Variants in DIAPH2 observed in about 807,000 individuals in gnomAD.
The protein encoded by DIAPH2 is diaphanous related formin 2.
Under a neutral mutation model 92.7 loss-of-function variants are expected in DIAPH2, and 35 were observed. That is an observed-to-expected ratio of 0.38 (90% confidence interval 0.29 to 0.50). DIAPH2 has a LOEUF of 0.50. DIAPH2 is among the 20% of genes least tolerant of loss of function. The probability of loss-of-function intolerance (pLI) is 0.94; values close to 1 mark genes in which losing one functional copy is unlikely to be tolerated. For missense variants in DIAPH2, 701 were observed against 819.5 expected, an observed-to-expected ratio of 0.86 and a Z score of 1.77; for synonymous variants, 301 against 280.4, an observed-to-expected ratio of 1.07 and a Z score of -0.73.
chrX:96,750,051 GTTT>G (rs753887199), intron 3 of DIAPH2, among the ~76,000 whole-genome samples: 1 of 71,042 alleles, frequency 1.4e-5, no homozygotes, highest in Middle Eastern at 0.012. Context: ...TATATTTCAA[GTTT>G]TTTTTTTTTT....
In DIAPH2 at chrX:97,601,858, G is replaced by A. The variant is rs1403131761; in HGVS notation, c.*2541G>A. ...GCAGCAAAGCCATGCTCCCTCCAGAGGCTCTAGAGGAGAATCTTTCCTTGC... is the reference window on the plus strand; with the variant it reads ...GCAGCAAAGCCATGCTCCCTCCAGAAGCTCTAGAGGAGAATCTTTCCTTGC... On this transcript the variant is annotated 3_prime_UTR_variant, in exon 27 of 27. Coordinates refer to ENST00000324765, the MANE Select transcript of DIAPH2 (RefSeq NM_006729.5). The A allele has an allele frequency of 8.9e-6, 1 of 112,276 alleles. No individual in the cohort carries two copies. Among genetic ancestry groups the A allele is most frequent in the Non-Finnish European group, 1.9e-5 (1 of 53,277 alleles). 9.3% of individuals were successfully genotyped at this position (112,276 alleles called of 1,213,427 possible).
intron 4 of DIAPH2, among the ~76,000 whole-genome samples, chrX:96,817,898 T>C (rs2064747999): frequency 9.1e-6 from 1 of 109,310 alleles, no homozygotes; most frequent in South Asian, 4.0e-4. Context: ...GAAAACTATA[T>C]ACTGTATTCC....
intron 19 of DIAPH2, among the ~76,000 whole-genome samples, chrX:97,097,854 AAAT>A (rs2066879789): frequency 8.9e-6 from 1 of 112,420 alleles, no homozygotes; most frequent in Non-Finnish European, 1.9e-5. Context: ...GAAAAAATGG[AAAT>A]AATACCTTGG....
At chrX:96,751,549 CTGGG>C (rs1250365363) in intron 3 of DIAPH2, among the ~76,000 whole-genome samples, 10 of 99,746 alleles carry the variant, frequency 1.0e-4, no homozygotes, top group Non-Finnish European at 1.8e-4. Context: ...GCACTCCAGC[CTGGG>C]TGGAAGAGCG....
At position 97,055,496 on chromosome X, in the gene DIAPH2, T is replaced by C. The variant is rs140388072; in HGVS notation, c.2051-17445T>C. On this transcript the variant is annotated intron_variant, in intron 17 of 26. Coordinates refer to ENST00000324765, the MANE Select transcript of DIAPH2 (RefSeq NM_006729.5). ...CACTTCTCAGGTAACTGAGAATGAG[T>C]TCATGTTGGAGCATATTTATTTGGA... is the stretch of plus-strand genomic sequence containing the variant. 7.6e-3 allele frequency among the ~76,000 whole-genome samples: 844 copies of C among 111,060 alleles called. 5 individuals are homozygous for C. The highest frequency in any genetic ancestry group is 0.012 in the Non-Finnish European group (658 of 52,926).
At chrX:97,171,079 G>A (rs1015872237) in intron 22 of DIAPH2, among the ~76,000 whole-genome samples, 2 of 110,629 alleles carry the variant, frequency 1.8e-5, no homozygotes, top group Admixed American at 9.6e-5. Flanking sequence ...TCACCATATT[G>A]GCCAAGCTGG....
At chrX:97,074,173 G>A (rs954924217) in intron 18 of DIAPH2, among the ~76,000 whole-genome samples, 3 of 111,899 alleles carry the variant, frequency 2.7e-5, no homozygotes, top group African/African-American at 6.5e-5. Flanking sequence ...TTGGGAGGCC[G>A]AGGCAGGTGG....
intron 26 of DIAPH2, among the ~76,000 whole-genome samples, chrX:97,526,671 C>G (rs753273333): frequency 2.8e-4 from 31 of 111,434 alleles, no homozygotes; most frequent in Admixed American, 2.4e-3. Context: ...AACTTTGACT[C>G]AAGCTTCTCA....
At chrX:97,494,730 A>G (rs913449013) in intron 26 of DIAPH2, among the ~76,000 whole-genome samples, 1 of 111,933 alleles carries the variant, frequency 8.9e-6, no homozygotes, top group Non-Finnish European at 1.9e-5. Context: ...GAGGATTCCT[A>G]ATTAGATGGA....
intron 23 of DIAPH2, among the ~76,000 whole-genome samples, chrX:97,284,951 C>T (rs1167964049): frequency 9.0e-6 from 1 of 111,647 alleles, no homozygotes; most frequent in Non-Finnish European, 1.9e-5. Flanking sequence ...TGATGAAAAG[C>T]CATTCTATTT....
At chrX:97,592,631 G>C (rs2071525326) in intron 26 of DIAPH2, among the ~76,000 whole-genome samples, 1 of 112,106 alleles carries the variant, frequency 8.9e-6, no homozygotes, top group Non-Finnish European at 1.9e-5. Context: ...CAATGTGAAA[G>C]TAATTTGTGC....
In DIAPH2 at chrX:97,579,865, C is replaced by T. The variant is rs770024305; in HGVS notation, c.3242-19388C>T. 3.6e-3 allele frequency among the ~76,000 whole-genome samples: 397 copies of T among 109,609 alleles called. 2 individuals are homozygous for T. The highest frequency in any genetic ancestry group is 0.012 in the African/African-American group (372 of 29,981). On this transcript the variant is annotated intron_variant, in intron 26 of 26. Transcript: ENST00000324765. ...TCCTTGAGCAGCGGTTTGTAGTTCT[C>T]CTTGAAGAGGTCCTTCACATCCCTT...
At chrX:97,468,698 C>T (rs770098998) in intron 26 of DIAPH2, among the ~76,000 whole-genome samples, 1 of 109,088 alleles carries the variant, frequency 9.2e-6, no homozygotes, top group Non-Finnish European at 1.9e-5. Flanking sequence ...TTTGGAGGTG[C>T]ACCGTTTATT....
At chrX:96,977,553 T>C (rs2065970001) in intron 17 of DIAPH2, among the ~76,000 whole-genome samples, 1 of 112,140 alleles carries the variant, frequency 8.9e-6, no homozygotes, top group African/African-American at 3.2e-5. Context: ...TGAGACTGCC[T>C]TTCCCCATTT....
intron 23 of DIAPH2, among the ~76,000 whole-genome samples, chrX:97,286,410 C>A (rs981049833): frequency 9.0e-6 from 1 of 110,926 alleles, no homozygotes; most frequent in African/African-American, 3.3e-5. Flanking sequence ...TCTAAACTCT[C>A]GGGTTTTAAG....
At chrX:97,335,151 A>T (rs1280332975) in intron 23 of DIAPH2, among the ~76,000 whole-genome samples, 2 of 110,737 alleles carry the variant, frequency 1.8e-5, no homozygotes, top group Non-Finnish European at 3.8e-5. Flanking sequence ...AATGTAGTTA[A>T]TAATAGCATA....
intron 5 of DIAPH2, chrX:96,884,977 C>G (rs199689421): frequency 2.2e-5 from 26 of 1,208,825 alleles, no homozygotes; most frequent in Non-Finnish European, 2.8e-5. Context: ...CATCCATGAG[C>G]TCCGGGCTCA....
At chrX:97,571,487 A>G (rs958910484) in intron 26 of DIAPH2, among the ~76,000 whole-genome samples, 3 of 111,806 alleles carry the variant, frequency 2.7e-5, no homozygotes, top group African/African-American at 9.7e-5. Context: ...TTGCAATATA[A>G]GGGGAAAAGT....
intron 19 of DIAPH2, among the ~76,000 whole-genome samples, chrX:97,091,353 A>T (rs766724364): frequency 1.8e-5 from 2 of 110,997 alleles, no homozygotes; most frequent in Non-Finnish European, 1.9e-5. Context: ...GTCCAATCCT[A>T]CGTCGCTGCA....
Sources: gnomAD v4.1 joint callset for allele counts (sites outside exome capture counted in the v4.1 genomes callset) on GRCh38, gnomAD v4.1.1 for gene constraint, MANE v1.5 for transcripts, NCBI Gene and HGNC (gene_info 2026-07-23, HGNC 2026-07-21) for gene names.